Variants in CCDC158 observed in about 807,000 individuals in gnomAD.
CCDC158 encodes coiled-coil domain containing 158.
Under a neutral mutation model 138.6 loss-of-function variants are expected in CCDC158, and 116 were observed. The observed-to-expected ratio is 0.84, with a 90% CI of 0.72 to 0.98. CCDC158 has a LOEUF of 0.98. Ranked by LOEUF, CCDC158 falls within the 50% of genes least tolerant of loss-of-function variation. The pLI is 0.00. For synonymous variants in CCDC158, 436 were observed against 442.4 expected (o/e 0.99, Z 0.18); for missense variants, 1,265 against 1,306.1 (o/e 0.97, Z 0.48).
chr4:76,368,895 A>AGAGG (rs1310701421), intron 11 of CCDC158, among the ~76,000 whole-genome samples: 3 of 152,230 alleles, frequency 2.0e-5, no homozygotes, highest in Admixed American at 6.5e-5. Flanking sequence ...CAAGTGAGAT[A>AGAGG]AAGCTTGACA....
chr4:76,320,607 G>A (rs557687374), intron 24 of CCDC158, among the ~76,000 whole-genome samples: 1 of 152,220 alleles, frequency 6.6e-6, no homozygotes, highest in East Asian at 1.9e-4. Context: ...TAGACCAATG[G>A]AACAGAATAG....
intron 13 of CCDC158, among the ~76,000 whole-genome samples, chr4:76,360,422 T>C (rs1285352959): frequency 3.9e-5 from 6 of 152,200 alleles, no homozygotes; most frequent in Non-Finnish European, 5.9e-5. Flanking sequence ...GTAGATCCAC[T>C]GACAGCTTGC....
intron 18 of CCDC158, chr4:76,345,161 C>CA: frequency 9.8e-7 from 1 of 1,020,968 alleles, no homozygotes; most frequent in East Asian, 2.4e-5. Context: ...CCACAGTCAT[C>CA]AAAAAGTACC....
chr4:76,316,531 C>T (rs978616925), intron 24 of CCDC158, among the ~76,000 whole-genome samples: 5 of 152,010 alleles, frequency 3.3e-5, no homozygotes, highest in Non-Finnish European at 7.4e-5. Context: ...GTCTAGAAAA[C>T]TTATTTAAGG....
intron 2 of CCDC158, among the ~76,000 whole-genome samples, chr4:76,408,930 GGC>G (rs1205326400): frequency 2.6e-5 from 4 of 152,076 alleles, no homozygotes; most frequent in African/African-American, 9.7e-5. Context: ...CATTTCTGAC[GGC>G]CAGTGATGAT....
chr4:76,347,004 C>T (rs570168542), intron 18 of CCDC158, among the ~76,000 whole-genome samples: 129 of 151,938 alleles, frequency 8.5e-4, no homozygotes, highest in South Asian at 3.3e-3. Context: ...GTTAGAATGG[C>T]GATCTTAAAA....
At chr4:76,368,265 A>G (rs1724889310) in intron 11 of CCDC158, among the ~76,000 whole-genome samples, 1 of 151,952 alleles carries the variant, frequency 6.6e-6, no homozygotes, top group Non-Finnish European at 1.5e-5. Context: ...GGAATTTACA[A>G]TAACTACCCC....
intron 24 of CCDC158, among the ~76,000 whole-genome samples, chr4:76,322,224 G>A (rs1368187133): frequency 1.3e-5 from 2 of 152,048 alleles, no homozygotes; most frequent in African/African-American, 4.8e-5. Flanking sequence ...ATACATAGGG[G>A]TCTTGGGTTA....
At chr4:76,343,481 A>C (rs1331541314) in intron 18 of CCDC158, among the ~76,000 whole-genome samples, 1 of 152,218 alleles carries the variant, frequency 6.6e-6, no homozygotes, top group African/African-American at 2.4e-5. Flanking sequence ...GTAACACAAA[A>C]AATTATTTAA....
At chr4:76,353,052 G>C (rs1288311393) in intron 16 of CCDC158, 71 bp downstream of exon 16, 28 of 1,319,614 alleles carry the variant, frequency 2.1e-5, no homozygotes, top group Non-Finnish European at 2.9e-5. Flanking sequence ...TAGAGCTTTT[G>C]TTCAGAACAA....
At chr4:76,402,567 A>G (rs1018914880) in intron 3 of CCDC158, among the ~76,000 whole-genome samples, 3 of 152,226 alleles carry the variant, frequency 2.0e-5, no homozygotes, top group South Asian at 2.1e-4. Flanking sequence ...TAGGCTTTGC[A>G]GCTCTTTCAA....
At position 76,369,530 on chromosome 4, in the gene CCDC158, C is replaced by G; in HGVS notation, c.1243G>C (p.Asp415His). ...TTGTCCAGTTCCCGCCGCAGGTGGT[C>G]AATGGTGATGCTGTTGCCTGTGTCT... ...DRDTGNSITIDHLRRELDNRN... is the reference protein window; with the variant it reads ...DRDTGNSITIHHLRRELDNRN... Residue 415 changes from aspartate (D) to histidine (H), a missense_variant, in exon 11 of 25, where the codon GAC (aspartate) becomes CAC (histidine). Transcript: ENST00000682701. The G allele has an allele frequency of 6.2e-7, 1 of 1,614,154 alleles. No homozygotes were observed. Among genetic ancestry groups the G allele is most frequent in the Non-Finnish European group, 8.5e-7 (1 of 1,180,022 alleles).
At chr4:76,365,234 G>A (rs1364610347) in intron 12 of CCDC158, among the ~76,000 whole-genome samples, 2 of 152,170 alleles carry the variant, frequency 1.3e-5, no homozygotes, top group Non-Finnish European at 2.9e-5. Flanking sequence ...TCTGAAGAGG[G>A]GACAGAAACC....
chr4:76,420,467 A>T (rs2109944214), intron 1 of CCDC158, among the ~76,000 whole-genome samples: 1 of 152,290 alleles, frequency 6.6e-6, no homozygotes, highest in East Asian at 1.9e-4. Flanking sequence ...TCCAGAACTC[A>T]TTGTGTTGCT....
chr4:76,320,542 T>C (rs779648283), intron 24 of CCDC158, among the ~76,000 whole-genome samples: 3 of 152,154 alleles, frequency 2.0e-5, no homozygotes, highest in Non-Finnish European at 1.5e-5. Context: ...CTTCAAACTA[T>C]ACTACAAGGC....
In CCDC158 at chr4:76,331,542, A is replaced by G. The variant is rs952516158; in HGVS notation, c.2883-139T>C. On this transcript the variant is annotated intron_variant, in intron 20 of 24. Transcript: ENST00000682701. ...TCTGACAGCTGGATAAATAAATCAT[A>G]AACATTAACTTAATGATAAAATTGC... The G allele has an allele frequency of 4.4e-6, 3 of 675,864 alleles. No individual in the cohort carries two copies. The Admixed American group carries it at 7.5e-5, about 17-fold the overall frequency. The allele number at this position is 675,864 out of a possible 1,614,324, so 41.9% of individuals were successfully genotyped here.
At chr4:76,381,216 C>A (rs1489798932) in intron 8 of CCDC158, among the ~76,000 whole-genome samples, 3 of 152,166 alleles carry the variant, frequency 2.0e-5, no homozygotes, top group East Asian at 3.8e-4. Context: ...ACCCTCCAGA[C>A]CCCAGAATGG....
intron 24 of CCDC158, among the ~76,000 whole-genome samples, chr4:76,314,148 A>G (rs1005883986): frequency 1.3e-5 from 2 of 152,188 alleles, no homozygotes; most frequent in Admixed American, 6.5e-5. Context: ...AATTCCCCCT[A>G]AAAATATTTG....
intron 9 of CCDC158, among the ~76,000 whole-genome samples, chr4:76,377,936 T>C (rs1725866457): frequency 6.6e-6 from 1 of 152,196 alleles, no homozygotes; most frequent in South Asian, 2.1e-4. Flanking sequence ...GCATCACATG[T>C]AATAGGAGTA....
Sources: allele counts gnomAD v4.1 joint callset (sites outside exome capture counted in the v4.1 genomes callset), GRCh38; gene constraint gnomAD v4.1.1; transcripts MANE v1.5; gene names NCBI Gene and HGNC (gene_info 2026-07-23, HGNC 2026-07-21).